URI1: variants seen among roughly 807,000 people sequenced by gnomAD.
URI1 encodes the protein URI1 prefoldin like chaperone, also known as unconventional prefoldin RPB5 interactor 1.
A neutral mutation model predicts 60.2 loss-of-function variants in URI1; 39 were observed. That is an observed-to-expected ratio of 0.65 (90% confidence interval 0.50 to 0.85). The LOEUF is 0.85. URI1 is among the 40% of genes least tolerant of loss of function. URI1 has a pLI of 0.00. For missense variants in URI1, 691 were observed against 665.9 expected (o/e 1.04, Z -0.42); for synonymous variants, 251 against 236.8 (o/e 1.06, Z -0.55).
intron 3 of URI1, among the ~76,000 whole-genome samples, chr19:29,985,852 A>G (rs538941096): frequency 6.4e-4 from 98 of 152,330 alleles, no homozygotes; most frequent in African/African-American, 2.3e-3. Flanking sequence ...GATCCATTAA[A>G]GCTATTTGTT....
chr19:29,950,340 A>G (rs2078777730), intron 1 of URI1, among the ~76,000 whole-genome samples: 1 of 152,182 alleles, frequency 6.6e-6, no homozygotes, highest in South Asian at 2.1e-4. Context: ...TGTTGTTATC[A>G]TTTTTAGTTT....
chr19:29,931,747 A>T (rs904775130), intron 1 of URI1, among the ~76,000 whole-genome samples: 1 of 152,086 alleles, frequency 6.6e-6, no homozygotes, highest in Admixed American at 6.6e-5. Context: ...TTTTTACTAA[A>T]TATTTTATTC....
chr19:29,948,592 G>A (rs1435642045), intron 1 of URI1, among the ~76,000 whole-genome samples: 1 of 151,836 alleles, frequency 6.6e-6, no homozygotes, highest in Non-Finnish European at 1.5e-5. Context: ...AGCACATCTT[G>A]CACCACCCTT....
chr19:29,985,311 G>C lies in URI1; in HGVS notation c.231+10G>C. On this transcript the variant is annotated intron_variant, in intron 3 of 10. Coordinates refer to ENST00000392271, the MANE Select transcript of URI1 (RefSeq NM_003796.3). ...GTCTTATAATATAATGGTATGTTTG[G>C]TGTGTTTCTTTTAAAGTAATAGTTG... 6.2e-7 allele frequency: 1 copy of C among 1,602,642 alleles called. No homozygotes were observed. Among genetic ancestry groups the C allele is most frequent in the Non-Finnish European group, 8.5e-7 (1 of 1,172,184 alleles).
chr19:29,939,422 G>A (rs2055002360), upstream of URI1, among the ~76,000 whole-genome samples: 1 of 152,082 alleles, frequency 6.6e-6, no homozygotes, highest in Non-Finnish European at 1.5e-5. Flanking sequence ...TTACAGGTGT[G>A]TGCCACCACG....
intron 2 of URI1, among the ~76,000 whole-genome samples, chr19:29,982,565 G>A (rs986824113): frequency 6.6e-6 from 1 of 152,128 alleles, no homozygotes; most frequent in Admixed American, 6.5e-5. Flanking sequence ...ACATAAATAA[G>A]CTGTTAGTGT....
Position 29,963,510 on chromosome 19 carries a change from A to G in URI1, c.118-7683A>G, listed in dbSNP as rs149784984. On this transcript the variant is annotated intron_variant, in intron 1 of 10. Coordinates refer to ENST00000392271, the MANE Select transcript of URI1 (RefSeq NM_003796.3). ...ATATATTCCTTTTATCTTTTCCTCT[A>G]TTTCCTTGAACATATTAATCATTAT... 7.0e-4 allele frequency among the ~76,000 whole-genome samples: 107 copies of G among 151,848 alleles called. 1 individual carries two copies. The highest frequency in any genetic ancestry group is 2.3e-3 in the African/African-American group (95 of 41,384).
upstream of URI1, among the ~76,000 whole-genome samples, chr19:29,940,441 G>C (rs568205694): frequency 6.6e-6 from 1 of 152,258 alleles, no homozygotes; most frequent in African/African-American, 2.4e-5. Flanking sequence ...TTGAGGCCAG[G>C]AGTTTGAGAC....
chr19:29,977,644 T>C (rs1261423545), intron 2 of URI1, among the ~76,000 whole-genome samples: 1 of 149,126 alleles, frequency 6.7e-6, no homozygotes, highest in Non-Finnish European at 1.5e-5. Flanking sequence ...TGTTGGAGTT[T>C]CTGTAGTTGT....
At chr19:30,013,151 T>C (rs1225365016) in intron 10 of URI1, among the ~76,000 whole-genome samples, 2 of 152,226 alleles carry the variant, frequency 1.3e-5, no homozygotes, top group Admixed American at 6.5e-5. Context: ...CTGTGAAATA[T>C]AAGGCTATTG....
intron 1 of URI1, among the ~76,000 whole-genome samples, chr19:29,935,972 G>A (rs1362538805): frequency 6.6e-6 from 1 of 152,002 alleles, no homozygotes; most frequent in African/African-American, 2.4e-5. Flanking sequence ...ATTTTTAGTA[G>A]AGACAGGGTT....
chr19:29,951,632 C>T lies in URI1; in HGVS notation c.117+8968C>T, dbSNP rs569261719. Among the ~76,000 whole-genome samples, 170 of 151,986 alleles carry T rather than the reference C, an allele frequency of 1.1e-3. 1 individual carries two copies. The highest frequency in any genetic ancestry group is 5.2e-3 in the South Asian group (25 of 4,800). On this transcript the variant is annotated intron_variant, in intron 1 of 10. Transcript: ENST00000392271. ...CACGATCTTGGCTCACTGCAACCTC[C>T]GCCTCCTGGGTTCGAGTGACTCTCC...
chr19:29,959,221 C>G (rs562791244), intron 1 of URI1, among the ~76,000 whole-genome samples: 3 of 152,212 alleles, frequency 2.0e-5, no homozygotes, highest in East Asian at 3.9e-4. Flanking sequence ...AACTCCCAGG[C>G]TCAGGTGATC....
chr19:29,977,211 A>G lies in URI1; in HGVS notation c.152+5984A>G, dbSNP rs937938352. Among the ~76,000 whole-genome samples the G allele has an allele frequency of 3.3e-5, 5 of 151,520 alleles. No individual in the cohort carries two copies. The East Asian group carries it at 5.8e-4, about 18-fold the overall frequency. ...GATACCTGCTTTATGCACACATTGTATATCTGTCTATATGTCTCATGTTTT... is the reference window on the plus strand; with the variant it reads ...GATACCTGCTTTATGCACACATTGTGTATCTGTCTATATGTCTCATGTTTT... On this transcript the variant is annotated intron_variant, in intron 2 of 10. Coordinates refer to ENST00000392271, the MANE Select transcript of URI1 (RefSeq NM_003796.3).
chr19:29,935,110 A>AT (rs1194035808), intron 1 of URI1, among the ~76,000 whole-genome samples: 2 of 151,812 alleles, frequency 1.3e-5, no homozygotes, highest in South Asian at 2.1e-4. Flanking sequence ...CCACTACTAC[A>AT]TTTTTTTGGT....
At chr19:29,950,090 G>A (rs1272648313) in intron 1 of URI1, among the ~76,000 whole-genome samples, 2 of 152,198 alleles carry the variant, frequency 1.3e-5, no homozygotes, top group Non-Finnish European at 2.9e-5. Flanking sequence ...ACTTCTTGTT[G>A]TTGGCACTTA....
intron 4 of URI1, among the ~76,000 whole-genome samples, chr19:29,997,680 C>G (rs1285093774): frequency 6.6e-6 from 1 of 151,870 alleles, no homozygotes; most frequent in East Asian, 1.9e-4. Context: ...TAGGTATTTA[C>G]AGCTATAAAT....
At chr19:29,927,944 G>A (rs1251226855) in intron 1 of URI1, among the ~76,000 whole-genome samples, 1 of 151,688 alleles carries the variant, frequency 6.6e-6, no homozygotes, top group African/African-American at 2.4e-5. Context: ...GTGGCTGAAG[G>A]GATACTACAC....
intron 2 of URI1, among the ~76,000 whole-genome samples, chr19:29,982,234 ACT>A: frequency 6.6e-6 from 1 of 152,292 alleles, no homozygotes; most frequent in East Asian, 1.9e-4. Flanking sequence ...ATAAATAGCA[ACT>A]CTAATCTTAA....
Sources: gnomAD v4.1 joint callset for allele counts (sites outside exome capture counted in the v4.1 genomes callset) on GRCh38, gnomAD v4.1.1 for gene constraint, MANE v1.5 for transcripts, NCBI Gene and HGNC (gene_info 2026-07-23, HGNC 2026-07-21) for gene names.